The following PCDHGA2 variants were observed in gnomAD, a reference collection of about 807,000 sequenced individuals.
PCDHGA2 encodes protocadherin gamma-A2.
A neutral mutation model predicts 59.2 loss-of-function variants in PCDHGA2; 40 were observed. That is an observed-to-expected ratio of 0.68 (90% CI 0.52 to 0.88). The LOEUF (loss-of-function observed/expected upper bound fraction) is 0.88. Among genes scored for constraint, PCDHGA2 ranks in the 40% least tolerant of loss-of-function variants. PCDHGA2 has a pLI of 0.00. For missense variants in PCDHGA2, 1,226 were observed against 1,204.0 expected, an observed-to-expected ratio of 1.02 and a Z score of -0.27; for synonymous variants, 560 against 526.0, an observed-to-expected ratio of 1.06 and a Z score of -0.89.
At chr5:141,355,419 G>C (rs1438563668) in intron 1 of PCDHGA2, 1 of 1,614,042 alleles carries the variant, frequency 6.2e-7, no homozygotes, top group Non-Finnish European at 8.5e-7. Context: ...GTAGGACGCA[G>C]CTTTTCGCCC....
intron 1 of PCDHGA2, chr5:141,344,345 A>G (rs755984295): frequency 6.2e-7 from 1 of 1,613,840 alleles, no homozygotes; most frequent in African/African-American, 1.3e-5. Flanking sequence ...TGTGTCTGGT[A>G]AAAATTAACA....
intron 1 of PCDHGA2, chr5:141,354,991 A>T: frequency 1.6e-6 from 1 of 634,544 alleles, no homozygotes; most frequent in Non-Finnish European, 2.4e-6. Flanking sequence ...TTCACCAATC[A>T]GGGGGAAAAG....
At chr5:141,384,280 A>G (rs1779919886) in intron 1 of PCDHGA2, 2 of 1,613,714 alleles carry the variant, frequency 1.2e-6, no homozygotes, top group Non-Finnish European at 1.7e-6. Context: ...CTCAGTCTAC[A>G]TCGCTGAGAA....
chr5:141,477,223 T>C lies in PCDHGA2; in HGVS notation c.2425-17584T>C. The C allele has an allele frequency of 6.2e-7, 1 of 1,614,198 alleles. No homozygotes were observed. On this transcript the variant is annotated intron_variant, in intron 1 of 3. Coordinates refer to ENST00000394576, the MANE Select transcript of PCDHGA2 (RefSeq NM_018915.4). This position sits in a 1 kb window ranked among gnomAD's most constrained non-coding sequence, Gnocchi z 4.9. ...TACCCGAGGATGCCCCTCTGGGGAC[T>C]GTCATCGCTTTGCTCAGTGTGACTG... is the stretch of plus-strand genomic sequence containing the variant.
At chr5:141,437,042 A>G (rs1355358776) in intron 1 of PCDHGA2, among the ~76,000 whole-genome samples, 1 of 152,264 alleles carries the variant, frequency 6.6e-6, no homozygotes, top group Non-Finnish European at 1.5e-5. Context: ...CACCGAAACC[A>G]GAAGGCTGGT....
chr5:141,494,491 T>C (rs2099754727), intron 1 of PCDHGA2, among the ~76,000 whole-genome samples: 1 of 152,150 alleles, frequency 6.6e-6, no homozygotes, highest in Admixed American at 6.5e-5. Context: ...AGAAGATGCC[T>C]TCAGTCCTTG....
chr5:141,458,698 T>C (rs1258294275), intron 1 of PCDHGA2, among the ~76,000 whole-genome samples: 1 of 152,054 alleles, frequency 6.6e-6, no homozygotes, highest in East Asian at 1.9e-4. Context: ...GCCTCCCGAG[T>C]AGCTGGGATT....
chr5:141,375,511 A>C (rs372798366), intron 1 of PCDHGA2: 2 of 1,613,960 alleles, frequency 1.2e-6, no homozygotes, highest in South Asian at 2.2e-5. Flanking sequence ...CTGTGAATGC[A>C]CTGGACCCTG....
At chr5:141,456,919 C>G (rs2098898169) in intron 1 of PCDHGA2, among the ~76,000 whole-genome samples, 1 of 152,124 alleles carries the variant, frequency 6.6e-6, no homozygotes, top group African/African-American at 2.4e-5. Flanking sequence ...GCCGAGATCG[C>G]ACCACTGCAC....
In PCDHGA2 at chr5:141,352,297, C is replaced by T. The variant is rs1426254602; in HGVS notation, c.2424+10902C>T. 2.5e-6 allele frequency: 4 copies of T among 1,613,952 alleles called. No individual in the cohort carries two copies. The African/African-American group carries it at 4.0e-5, about 16-fold the overall frequency. On this transcript the variant is annotated intron_variant, in intron 1 of 3. Transcript: ENST00000394576. ...TCAGCGACCGCCCTGAGCCCTCTGA[C>T]CCCCAGACGGAACTGCAGTTTTACC...
chr5:141,345,141 G>T, intron 1 of PCDHGA2: 1 of 1,613,954 alleles, frequency 6.2e-7, no homozygotes, highest in Non-Finnish European at 8.5e-7. Context: ...TGCTCTTATC[G>T]ACGTGCATGA....
chr5:141,355,817 C>G, intron 1 of PCDHGA2: 1 of 1,612,886 alleles, frequency 6.2e-7, no homozygotes, highest in African/African-American at 1.3e-5. Context: ...GAGGAAGAGG[C>G]GGTTCACCAC....
At chr5:141,376,815 T>C in intron 1 of PCDHGA2, 1 of 299,046 alleles carries the variant, frequency 3.3e-6, no homozygotes, top group Admixed American at 4.9e-5. Context: ...GCCTCCCTAG[T>C]AGCTGGGACT....
chr5:141,392,931 G>A (rs2092632355), intron 1 of PCDHGA2: 2 of 1,613,802 alleles, frequency 1.2e-6, no homozygotes, highest in Admixed American at 1.7e-5. Context: ...AGAAGAGACG[G>A]ACAAAGGCTC....
chr5:141,419,514 T>C (rs1180212485), intron 1 of PCDHGA2: 1 of 1,612,266 alleles, frequency 6.2e-7, no homozygotes, highest in Admixed American at 1.7e-5. Context: ...CGCGTGTTGG[T>C]GGGCGACCGT....
chr5:141,353,607 C>A (rs1759331003), intron 1 of PCDHGA2, among the ~76,000 whole-genome samples: 1 of 152,158 alleles, frequency 6.6e-6, no homozygotes, highest in South Asian at 2.1e-4. Flanking sequence ...CTTAACCATT[C>A]CTAAATTATT....
chr5:141,499,565 C>T (rs1291006795), intron 2 of PCDHGA2, among the ~76,000 whole-genome samples: 1 of 152,168 alleles, frequency 6.6e-6, no homozygotes, highest in East Asian at 1.9e-4. Flanking sequence ...CACTATCCAG[C>T]TTCAACTAAT....
rs770956068 is a variant in PCDHGA2, at chr5:141,344,838, C to T, written c.2424+3443C>T. On this transcript the variant is annotated intron_variant, in intron 1 of 3. Transcript: ENST00000394576. ...GCTGCTCACGGTGAATGCCACTGAC[C>T]CTGACGAGGGATTCAATGCTCAAGT... 9 of 1,613,816 alleles carry T rather than the reference C, an allele frequency of 5.6e-6. No homozygotes were observed. In the Admixed American group the frequency reaches 1.5e-4, roughly 27 times the overall value.
intron 1 of PCDHGA2, among the ~76,000 whole-genome samples, chr5:141,447,339 A>T (rs767342137): frequency 6.6e-6 from 1 of 151,770 alleles, no homozygotes; most frequent in Non-Finnish European, 1.5e-5. Flanking sequence ...GGGTTTCATC[A>T]TATTGGTCAG....
Sources: gnomAD v4.1 joint callset for allele counts (sites outside exome capture counted in the v4.1 genomes callset) on GRCh38, gnomAD v4.1.1 for gene constraint, Gnocchi (gnomAD v3.1) non-coding constraint, MANE v1.5 for transcripts, NCBI Gene and HGNC (gene_info 2026-07-23, HGNC 2026-07-21) for gene names.